TENM4: variants seen among roughly 807,000 people sequenced by gnomAD.
TENM4 encodes teneurin transmembrane protein 4.
TENM4 carries 82 observed loss-of-function variants against 243.3 expected under a neutral mutation model. The ratio of observed to expected loss-of-function variants is 0.34; its 90% CI spans 0.28 to 0.40. The LOEUF (loss-of-function observed/expected upper bound fraction) is 0.40. Ranked by LOEUF, TENM4 falls within the 10% of genes least tolerant of loss-of-function variation. TENM4 has a pLI of 1.00. For missense variants in TENM4, 3,138 were observed against 3,673.3 expected (o/e 0.85, Z 3.77); for synonymous variants, 1,412 against 1,456.3 (o/e 0.97, Z 0.69).
intron 6 of TENM4, among the ~76,000 whole-genome samples, chr11:78,991,154 G>C (rs1041852151): frequency 2.0e-5 from 3 of 152,154 alleles, no homozygotes; most frequent in Non-Finnish European, 4.4e-5. Context: ...GCTGCTACCG[G>C]CACTGAATAC....
At chr11:79,208,914 T>C (rs506943) in intron 3 of TENM4, among the ~76,000 whole-genome samples, 107,319 of 152,028 alleles carry the variant, frequency 0.71, 39,146 homozygotes, top group Middle Eastern at 0.87. Context: ...GACCCATTTC[T>C]CAGCGGGTAA....
At chr11:79,085,868 T>C (rs972823274) in intron 4 of TENM4, among the ~76,000 whole-genome samples, 6 of 152,228 alleles carry the variant, frequency 3.9e-5, no homozygotes, top group Non-Finnish European at 8.8e-5. Context: ...TTATTTCCTG[T>C]GTAATGTCAC....
chr11:79,163,835 ATATAT>A (rs1862817854), intron 3 of TENM4, among the ~76,000 whole-genome samples: 1 of 146,278 alleles, frequency 6.8e-6, no homozygotes, highest in African/African-American at 2.5e-5. Flanking sequence ...ATGTGTACAT[ATATAT>A]TATATATACA....
chr11:79,439,148 T>A (rs55721515), intron 1 of TENM4: 1 of 141,408 alleles, frequency 7.1e-6, no homozygotes, highest in Non-Finnish European at 1.5e-5. Context: ...CCCCGGCGAT[T>A]GGAATCCCGA....
At chr11:79,435,702 C>T (rs1474592957) in intron 1 of TENM4, among the ~76,000 whole-genome samples, 2 of 152,208 alleles carry the variant, frequency 1.3e-5, no homozygotes, top group Non-Finnish European at 2.9e-5. Context: ...CGGGCGGAGA[C>T]TTGCACCACT....
intron 6 of TENM4, among the ~76,000 whole-genome samples, chr11:79,016,469 G>T (rs115550662): frequency 1.3e-5 from 2 of 152,208 alleles, no homozygotes; most frequent in African/African-American, 4.8e-5. Context: ...TGGATTTGGG[G>T]TCATGATTAT....
chr11:78,707,168 G>A (rs1261423533), intron 27 of TENM4, among the ~76,000 whole-genome samples: 2 of 152,160 alleles, frequency 1.3e-5, no homozygotes, highest in African/African-American at 4.8e-5. Flanking sequence ...AAAAATGAAG[G>A]GGTTTAAAAA....
At chr11:78,833,461 G>A (rs542802859) in intron 12 of TENM4, among the ~76,000 whole-genome samples, 2 of 152,280 alleles carry the variant, frequency 1.3e-5, no homozygotes, top group African/African-American at 4.8e-5. Context: ...CAAATTAGCT[G>A]ACAGAACTAT....
At chr11:79,414,713 A>C (rs1858776146) in intron 1 of TENM4, among the ~76,000 whole-genome samples, 1 of 152,216 alleles carries the variant, frequency 6.6e-6, no homozygotes, top group Non-Finnish European at 1.5e-5. Flanking sequence ...AGTAATTCCC[A>C]AAGCTGTCTT....
At chr11:79,382,395 T>C (rs1465042674) in intron 1 of TENM4, among the ~76,000 whole-genome samples, 1 of 152,172 alleles carries the variant, frequency 6.6e-6, no homozygotes, top group East Asian at 1.9e-4. Flanking sequence ...TCGCTTTCGG[T>C]GGAATGAAAG....
chr11:79,274,135 C>G (rs1441540272), intron 2 of TENM4, among the ~76,000 whole-genome samples: 1 of 152,182 alleles, frequency 6.6e-6, no homozygotes, highest in East Asian at 1.9e-4. Flanking sequence ...GAGGGAAGTC[C>G]TAATGTGGGG....
chr11:79,145,128 G>T (rs773864915), intron 4 of TENM4, among the ~76,000 whole-genome samples: 1 of 151,682 alleles, frequency 6.6e-6, no homozygotes, highest in South Asian at 2.1e-4. Context: ...ACCTCAACTT[G>T]GTCTATACAC....
chr11:79,053,485 C>A (rs1376228337), intron 6 of TENM4, among the ~76,000 whole-genome samples: 2 of 152,224 alleles, frequency 1.3e-5, no homozygotes, highest in Non-Finnish European at 2.9e-5. Flanking sequence ...TCAGAACCAT[C>A]TCCTGCTATG....
chr11:78,686,863 C>A (rs1858688303), intron 29 of TENM4, among the ~76,000 whole-genome samples: 1 of 152,148 alleles, frequency 6.6e-6, no homozygotes, highest in Non-Finnish European at 1.5e-5. Context: ...TCTTGGAGCT[C>A]TTTGAAAGGC....
intron 4 of TENM4, among the ~76,000 whole-genome samples, chr11:79,086,811 G>A (rs963648547): frequency 4.4e-5 from 6 of 135,212 alleles, no homozygotes; most frequent in Non-Finnish European, 9.2e-5. Flanking sequence ...TCCAGCCTGG[G>A]TGACAGAGCA....
In TENM4 at chr11:79,202,759, G is replaced by A. The variant is rs996168310; in HGVS notation, c.-163+13049C>T. Among the ~76,000 whole-genome samples the A allele has an allele frequency of 3.3e-5, 5 of 152,314 alleles. No homozygotes were observed. In the Middle Eastern group the frequency reaches 0.01, roughly 311 times the overall value. On this transcript the variant is annotated intron_variant, in intron 3 of 33. Transcript: ENST00000278550. ...GCTCTGGGCTTTTCACTCACACACA[G>A]CTTAGCTCCCAGACAACTGAGAGGA...
chr11:79,219,397 C>T (rs1864115705), intron 2 of TENM4, among the ~76,000 whole-genome samples: 1 of 152,266 alleles, frequency 6.6e-6, no homozygotes, highest in African/African-American at 2.4e-5. Context: ...TGGAGATCTG[C>T]TCTAGGAAGA....
intron 6 of TENM4, among the ~76,000 whole-genome samples, chr11:79,030,742 C>A (rs1268335415): frequency 6.6e-6 from 1 of 152,166 alleles, no homozygotes; most frequent in Non-Finnish European, 1.5e-5. Flanking sequence ...CAGCCGACTC[C>A]TGTCAAACAG....
chr11:78,899,562 G>C (rs529851056), intron 7 of TENM4, among the ~76,000 whole-genome samples: 9 of 135,240 alleles, frequency 6.7e-5, no homozygotes, highest in African/African-American at 2.2e-4. Context: ...CAAAAAGCGG[G>C]GGGGGGGGGA....
Sources: allele counts gnomAD v4.1 joint callset (sites outside exome capture counted in the v4.1 genomes callset), GRCh38; gene constraint gnomAD v4.1.1; transcripts MANE v1.5; gene names NCBI Gene and HGNC (gene_info 2026-07-23, HGNC 2026-07-21).